CBFA2T3: variants seen among roughly 807,000 people sequenced by gnomAD.
CBFA2T3 encodes the protein CBFA2/RUNX1 partner transcriptional co-repressor 3, also known as transcriptional corepressor CBFA2T3.
In CBFA2T3, 31 loss-of-function variants were observed where a neutral mutation model predicts 58.6. The ratio of observed to expected loss-of-function variants is 0.53; its 90% confidence interval spans 0.40 to 0.71. The LOEUF (loss-of-function observed/expected upper bound fraction) is 0.71, where lower values mean the gene tolerates loss of function less well. Among genes scored for constraint, CBFA2T3 ranks in the 30% least tolerant of loss-of-function variants. The pLI, the probability that CBFA2T3 is intolerant of heterozygous loss-of-function variation, is 0.00. For missense variants in CBFA2T3, 1,076 were observed against 963.1 expected (o/e 1.12, Z -1.55); for synonymous variants, 531 against 421.9 (o/e 1.26, Z -3.17).
chr16:88,925,564 G>A (rs1361801470), intron 1 of CBFA2T3, among the ~76,000 whole-genome samples: 1 of 152,158 alleles, frequency 6.6e-6, no homozygotes, highest in Non-Finnish European at 1.5e-5. Flanking sequence ...GGGACAGGCA[G>A]TCACTTTGCA....
chr16:88,951,467 T>C (rs1027244278), intron 1 of CBFA2T3: 3 of 378,404 alleles, frequency 7.9e-6, no homozygotes, highest in African/African-American at 6.4e-5. Flanking sequence ...TGAATTTTCC[T>C]ATAAGTATTT....
At chr16:88,882,492 CGGGCGTGGCTGTGGCTGTGT>C (rs969477198) in intron 8 of CBFA2T3, among the ~76,000 whole-genome samples, 164 bp downstream of exon 8, 4 of 130,696 alleles carry the variant, frequency 3.1e-5, no homozygotes, top group African/African-American at 1.2e-4. Context: ...TGTGACTGCA[CGGGCGTGGCTGTGGCTGTGT>C]GGGCGTGGCT....
At chr16:88,954,498 A>C (rs1231414842) in intron 1 of CBFA2T3, among the ~76,000 whole-genome samples, 1 of 132,958 alleles carries the variant, frequency 7.5e-6, no homozygotes, top group South Asian at 2.4e-4. Context: ...GACCCCGCCC[A>C]AGGCTCCTGA....
chr16:88,917,398 A>G (rs1270942273), intron 1 of CBFA2T3, among the ~76,000 whole-genome samples: 1 of 152,208 alleles, frequency 6.6e-6, no homozygotes, highest in African/African-American at 2.4e-5. Flanking sequence ...TGCTGGGGAC[A>G]GGCAGGTCAC....
At chr16:88,912,717 G>A (rs1325109740) in intron 1 of CBFA2T3, among the ~76,000 whole-genome samples, 1 of 152,356 alleles carries the variant, frequency 6.6e-6, no homozygotes, top group South Asian at 2.1e-4. Flanking sequence ...TGGCGCATAA[G>A]GACAAAGCCC....
intron 1 of CBFA2T3, chr16:88,951,605 C>G: frequency 2.8e-6 from 1 of 363,140 alleles, no homozygotes; most frequent in South Asian, 2.2e-5. Flanking sequence ...AGCTCCAGCT[C>G]GGGTCACAGA....
intron 1 of CBFA2T3, among the ~76,000 whole-genome samples, chr16:88,964,511 G>C (rs570934939): frequency 6.6e-6 from 1 of 152,158 alleles, no homozygotes; most frequent in African/African-American, 2.4e-5. Context: ...ATTCCCACTC[G>C]TCAGGTTCCG....
intron 1 of CBFA2T3, among the ~76,000 whole-genome samples, chr16:88,921,854 G>C (rs960332210): frequency 6.6e-6 from 1 of 152,228 alleles, no homozygotes; most frequent in Non-Finnish European, 1.5e-5. Flanking sequence ...TAATGACACA[G>C]TTTCTCGTTC....
intron 1 of CBFA2T3, among the ~76,000 whole-genome samples, chr16:88,972,467 CCT>C (rs1045403940): frequency 2.6e-5 from 4 of 151,766 alleles, no homozygotes; most frequent in East Asian, 3.9e-4. Flanking sequence ...CACTCTGCCG[CCT>C]CTGTCTGACC....
chr16:88,901,122 C>T (rs546852070), intron 2 of CBFA2T3, among the ~76,000 whole-genome samples: 5 of 152,278 alleles, frequency 3.3e-5, no homozygotes, highest in African/African-American at 9.6e-5. Flanking sequence ...CACGTTCTCT[C>T]TGGATGAGCC....
intron 1 of CBFA2T3, among the ~76,000 whole-genome samples, chr16:88,927,244 G>A (rs979715188): frequency 1.3e-5 from 2 of 152,198 alleles, no homozygotes; most frequent in Non-Finnish European, 2.9e-5. Flanking sequence ...CAGCGTCAAG[G>A]CCAGGTCGAC....
In CBFA2T3 at chr16:88,948,817, T is replaced by C. The variant is rs537620475; in HGVS notation, c.151+27840A>G. On this transcript the variant is annotated intron_variant, in intron 1 of 11. Coordinates refer to ENST00000268679, the MANE Select transcript of CBFA2T3 (RefSeq NM_005187.6). ...ATTTGCAATGTGGCTCAAAGACAAG[T>C]TCAGAGTTCTCTCTTGTCTTTGTTG... 3.3e-5 allele frequency among the ~76,000 whole-genome samples: 5 copies of C among 152,288 alleles called. No homozygotes were observed. In the South Asian group the frequency reaches 1.0e-3, roughly 32 times the overall value.
Position 88,923,949 on chromosome 16 carries a change from G to A in CBFA2T3, c.152-22293C>T, listed in dbSNP as rs16965183. ...TAGATCACCACAGTGCAAGGACCAC[G>A]AAGACCCTGGGATCTCATGCTGAGG... On this transcript the variant is annotated intron_variant, in intron 1 of 11. Transcript: ENST00000268679. Among the ~76,000 whole-genome samples the A allele has an allele frequency of 5.4e-3, 822 of 152,344 alleles. 6 individuals are homozygous for A. Among genetic ancestry groups the A allele is most frequent in the African/African-American group, 0.019 (777 of 41,578 alleles).
At chr16:88,907,799 G>A (rs1970389196) in intron 1 of CBFA2T3, among the ~76,000 whole-genome samples, 1 of 152,228 alleles carries the variant, frequency 6.6e-6, no homozygotes, top group African/African-American at 2.4e-5. Context: ...TCACCCCAGA[G>A]CAGGGGCTTT....
intron 1 of CBFA2T3, among the ~76,000 whole-genome samples, chr16:88,911,224 C>T (rs548972867): frequency 1.1e-4 from 17 of 152,236 alleles, no homozygotes; most frequent in Admixed American, 5.9e-4. Context: ...AACAAGGGAC[C>T]CTGACCCCAA....
chr16:88,892,617 G>A (rs1292534750), intron 3 of CBFA2T3, 132 bp from the exon 4 acceptor site: 3 of 1,079,978 alleles, frequency 2.8e-6, no homozygotes, highest in African/African-American at 1.5e-5. Flanking sequence ...GAGACACAAG[G>A]ACAGTAGCGC....
chr16:88,892,466 G>A lies in CBFA2T3; in HGVS notation c.399C>T (p.His133=), dbSNP rs747987468. 2.5e-6 allele frequency: 4 copies of A among 1,612,966 alleles called. No homozygotes were observed. Among genetic ancestry groups the A allele is most frequent in the East Asian group, 2.2e-5 (1 of 44,888 alleles). The change falls in exon 4 of 12, where the codon CAC becomes CAT. Residue 133 remains histidine (H), a synonymous_variant. Transcript: ENST00000268679. ...GTGCACCATTGATGGCTGTTGGTGAGTGGCTGCTGCCGTTCATCACTGCAG... is the reference window on the plus strand; with the variant it reads ...GTGCACCATTGATGGCTGTTGGTGAATGGCTGCTGCCGTTCATCACTGCAG... ...MVCLLMNGSS[H]SPTAINGAPC...
chr16:88,906,342 C>G (rs1970332335), intron 1 of CBFA2T3, among the ~76,000 whole-genome samples: 1 of 152,184 alleles, frequency 6.6e-6, no homozygotes, highest in South Asian at 2.1e-4. Flanking sequence ...GGCTCGGAGG[C>G]CCCGTGGGCT....
intron 5 of CBFA2T3, among the ~76,000 whole-genome samples, chr16:88,887,919 C>G: frequency 6.6e-6 from 1 of 152,320 alleles, no homozygotes; most frequent in Middle Eastern, 3.4e-3. Context: ...GCTACAAGGG[C>G]TTTCGCGGAC....
Sources: gnomAD v4.1 joint callset for allele counts (sites outside exome capture counted in the v4.1 genomes callset) on GRCh38, gnomAD v4.1.1 for gene constraint, MANE v1.5 for transcripts, NCBI Gene and HGNC (gene_info 2026-07-23, HGNC 2026-07-21) for gene names.